Variants in ADCY2 observed in about 807,000 individuals in gnomAD.
ADCY2 encodes adenylate cyclase type 2.
ADCY2 carries 31 observed loss-of-function variants against 125.2 expected under a neutral mutation model. That is an observed-to-expected ratio of 0.25 (90% CI 0.19 to 0.33). The LOEUF is 0.33. Ranked by LOEUF, ADCY2 falls within the 10% of genes least tolerant of loss-of-function variation. The probability of loss-of-function intolerance (pLI) is 1.00; values close to 1 mark genes in which losing one functional copy is unlikely to be tolerated. For synonymous variants in ADCY2, 512 were observed against 548.4 expected, an observed-to-expected ratio of 0.93 and a Z score of 0.93; for missense variants, 904 against 1,418.2, an observed-to-expected ratio of 0.64 and a Z score of 5.82.
At chr5:7,678,194 T>C (rs1740199862) in intron 4 of ADCY2, among the ~76,000 whole-genome samples, 1 of 152,218 alleles carries the variant, frequency 6.6e-6, no homozygotes. Context: ...CTTTTCACTT[T>C]GGCAGGGCTG....
intron 17 of ADCY2, among the ~76,000 whole-genome samples, chr5:7,772,582 A>G (rs1463794463): frequency 1.3e-5 from 2 of 152,228 alleles, no homozygotes; most frequent in African/African-American, 4.8e-5. Flanking sequence ...TAAGGAATGT[A>G]TAGGAGGCCA....
At chr5:7,756,274 C>G (rs1162017886) in intron 15 of ADCY2, among the ~76,000 whole-genome samples, 9 of 152,198 alleles carry the variant, frequency 5.9e-5, no homozygotes, top group African/African-American at 9.7e-5. Context: ...AGGTGGCCCT[C>G]AAGATGGGTG....
rs79818181 is a variant in ADCY2 at position 7,750,872 on chromosome 5, C to T, written c.1957-6577C>T. Among the ~76,000 whole-genome samples the T allele has an allele frequency of 7.3e-3, 1,116 of 152,052 alleles. 19 individuals carry two copies. The highest frequency in any genetic ancestry group is 0.025 in the African/African-American group (1,040 of 41,470). ...CAGCTGTGTATTCTCTACCACAGAC[C>T]TCATAATCCGCTCTAGGTCTGCAAC... is the stretch of plus-strand genomic sequence containing the variant. On this transcript the variant is annotated intron_variant, in intron 15 of 24. Coordinates refer to ENST00000338316, the MANE Select transcript of ADCY2 (RefSeq NM_020546.3).
At chr5:7,613,133 T>G (rs1163853530) in intron 3 of ADCY2, among the ~76,000 whole-genome samples, 1 of 151,252 alleles carries the variant, frequency 6.6e-6, no homozygotes, top group African/African-American at 2.4e-5. Flanking sequence ...ATTGTACACA[T>G]GTACCCTAAA....
intron 2 of ADCY2, among the ~76,000 whole-genome samples, chr5:7,469,669 T>C (rs766925667): frequency 7.2e-4 from 110 of 151,974 alleles, no homozygotes; most frequent in Non-Finnish European, 1.1e-3. Context: ...CCTTTCTTAT[T>C]ATTCTATGGT....
chr5:7,709,294 C>T lies in ADCY2; in HGVS notation c.1485C>T (p.Thr495=). 1 of 1,613,952 alleles carries T rather than the reference C, an allele frequency of 6.2e-7. No homozygotes were observed. The highest frequency in any genetic ancestry group is 8.5e-7 in the Non-Finnish European group (1 of 1,179,948). Residue 495 remains threonine, a synonymous_variant, in exon 10 of 25, where the codon ACC becomes ACT. Transcript: ENST00000338316. The surrounding 1 kb of genome is among the most constrained non-coding windows in gnomAD (Gnocchi z 4.4). ...GAKMRASVRM[T]RYLESWGAAK... ...AAATGAGGGCCTCGGTCCGCATGAC[C>T]CGGTACTTGGAGTCCTGGGGGGCAG...
chr5:7,820,459 A>C, intron 23 of ADCY2, 106 bp from the exon 24 acceptor site: 1 of 1,418,168 alleles, frequency 7.1e-7, no homozygotes, highest in Non-Finnish European at 9.5e-7. Context: ...GCGCCACTGC[A>C]CTCCAGCCTG....
chr5:7,487,302 G>A, intron 2 of ADCY2, among the ~76,000 whole-genome samples: 1 of 152,118 alleles, frequency 6.6e-6, no homozygotes, highest in Non-Finnish European at 1.5e-5. Flanking sequence ...TCTCAGAGGA[G>A]CCTTCTCTGA....
intron 3 of ADCY2, among the ~76,000 whole-genome samples, chr5:7,615,568 CTA>C (rs1561126560): frequency 1.3e-5 from 2 of 152,110 alleles, no homozygotes. Flanking sequence ...GTTTTAATAA[CTA>C]TTTTATTTAA....
chr5:7,450,652 A>G (rs1242870581), intron 2 of ADCY2, among the ~76,000 whole-genome samples: 1 of 152,216 alleles, frequency 6.6e-6, no homozygotes, highest in Non-Finnish European at 1.5e-5. Context: ...ACCTTCTGTT[A>G]TAAGAAGATG....
intron 5 of ADCY2, 83 bp downstream of exon 5, chr5:7,690,922 C>A: frequency 7.3e-7 from 1 of 1,371,516 alleles, no homozygotes; most frequent in Non-Finnish European, 9.6e-7. Context: ...CACCTCATAT[C>A]ACCATCTCTC....
intron 3 of ADCY2, among the ~76,000 whole-genome samples, chr5:7,585,853 T>C (rs1478166103): frequency 6.6e-6 from 1 of 152,226 alleles, no homozygotes; most frequent in Non-Finnish European, 1.5e-5. Context: ...AAAAGGTAAC[T>C]ATGTGAAGCA....
chr5:7,627,141 G>A (rs1400137063), intron 4 of ADCY2, among the ~76,000 whole-genome samples: 1 of 152,114 alleles, frequency 6.6e-6, no homozygotes, highest in African/African-American at 2.4e-5. Flanking sequence ...AGCGCCTGTT[G>A]TCCACATAGG....
At chr5:7,484,878 T>A (rs1442937509) in intron 2 of ADCY2, among the ~76,000 whole-genome samples, 1 of 152,150 alleles carries the variant, frequency 6.6e-6, no homozygotes, top group Non-Finnish European at 1.5e-5. Flanking sequence ...CGATTTCCCA[T>A]AAACTGCCAT....
intron 3 of ADCY2, among the ~76,000 whole-genome samples, chr5:7,555,398 T>G (rs1462350028): frequency 6.6e-6 from 1 of 152,242 alleles, no homozygotes; most frequent in Non-Finnish European, 1.5e-5. Flanking sequence ...GTTTGTGTTT[T>G]CGGGTAGGAA....
chr5:7,657,555 C>T (rs1421740183), intron 4 of ADCY2, among the ~76,000 whole-genome samples: 5 of 152,334 alleles, frequency 3.3e-5, no homozygotes, highest in Non-Finnish European at 5.9e-5. Flanking sequence ...CAGCCCCACA[C>T]CATCTCCCTG....
At chr5:7,521,278 C>T (rs1315013714) in intron 3 of ADCY2, among the ~76,000 whole-genome samples, 1 of 152,042 alleles carries the variant, frequency 6.6e-6, no homozygotes, top group Non-Finnish European at 1.5e-5. Flanking sequence ...CCCACCTTTG[C>T]TCTACCTTGA....
At chr5:7,771,650 T>G (rs1181411190) in intron 17 of ADCY2, among the ~76,000 whole-genome samples, 1 of 152,152 alleles carries the variant, frequency 6.6e-6, no homozygotes, top group Non-Finnish European at 1.5e-5. Context: ...TATTCCCAAC[T>G]TTTCTTTCTT....
intron 21 of ADCY2, 100 bp from the exon 22 acceptor site, chr5:7,804,485 C>T (rs1394256198): frequency 5.1e-5 from 47 of 923,738 alleles, no homozygotes; most frequent in Admixed American, 3.4e-4. Context: ...AAACAAGTCA[C>T]GGCATTACTG....
Sources: allele counts gnomAD v4.1 joint callset (sites outside exome capture counted in the v4.1 genomes callset), GRCh38; gene constraint gnomAD v4.1.1; non-coding constraint Gnocchi (gnomAD v3.1); transcripts MANE v1.5; gene names NCBI Gene and HGNC (gene_info 2026-07-23, HGNC 2026-07-21).